SERTM2: variants seen among roughly 807,000 people sequenced by gnomAD.
SERTM2 encodes the protein serine rich and transmembrane domain containing 2.
chrX:111,515,841 A>G (rs1930299854), intron 2 of SERTM2, among the ~76,000 whole-genome samples: 1 of 110,546 alleles, frequency 9.0e-6, no homozygotes, highest in Admixed American at 9.6e-5. Context: ...TATTCATAAT[A>G]AACACCCTGT....
Position 111,520,417 on chromosome X carries a change from C to T in SERTM2, c.*1287C>T, listed in dbSNP as rs773489738. On this transcript the variant is annotated 3_prime_UTR_variant, in exon 3 of 3. Transcript: ENST00000569275. ...GTACACCTGTGTTAAATTTTACTTG[C>T]TAAAACAAAAAATAAGTTATCTTTT... 3 of 111,539 alleles carry T rather than the reference C, an allele frequency of 2.7e-5. 1 individual carries two copies. In the South Asian group the frequency reaches 1.1e-3, roughly 42 times the overall value. 9.2% of individuals were successfully genotyped at this position (111,539 alleles called of 1,213,427 possible). A position where few individuals can be genotyped will look rare whatever the true frequency, so the allele number is the denominator to read the frequency against.
intron 2 of SERTM2, among the ~76,000 whole-genome samples, chrX:111,513,657 T>C (rs527550886): frequency 1.8e-5 from 2 of 111,606 alleles, no homozygotes; most frequent in Admixed American, 1.9e-4. Flanking sequence ...TTTCCTAATA[T>C]CTAACGTTGC....
intron 2 of SERTM2, among the ~76,000 whole-genome samples, chrX:111,515,968 T>TA (rs1298348419): frequency 5.4e-5 from 6 of 110,416 alleles, no homozygotes; most frequent in Non-Finnish European, 7.6e-5. Context: ...AAAACTGCCA[T>TA]AAAAAATTGT....
At chrX:111,517,311 T>G (rs1930331356) in intron 2 of SERTM2, among the ~76,000 whole-genome samples, 1 of 111,727 alleles carries the variant, frequency 9.0e-6, no homozygotes, top group Non-Finnish European at 1.9e-5. Flanking sequence ...AACAATTCCT[T>G]AAACTTAGGA....
rs939238416 is a variant in SERTM2 at position 111,520,974 on chromosome X, A to C, written c.*1844A>C. ...AAACATGGACTTCCTCAAGACTGGC[A>C]ACACCCCCCCTCCAGAACTTCTTAA... is the stretch of plus-strand genomic sequence containing the variant. On this transcript the variant is annotated 3_prime_UTR_variant, in exon 3 of 3. Coordinates refer to ENST00000569275, the MANE Select transcript of SERTM2 (RefSeq NM_001354473.2). 2 of 111,549 alleles carry C rather than the reference A, an allele frequency of 1.8e-5. No individual in the cohort carries two copies. Among genetic ancestry groups the C allele is most frequent in the South Asian group, 7.5e-4 (2 of 2,655 alleles). The allele number at this position is 111,549 out of a possible 1,213,427, so 9.2% of individuals were successfully genotyped here.
Position 111,518,589 on chromosome X carries a change from T to C in SERTM2, c.-269T>C, listed in dbSNP as rs776295637. The C allele has an allele frequency of 7.3e-6, 2 of 272,684 alleles. No individual in the cohort carries two copies. The highest frequency in any genetic ancestry group is 5.6e-5 in the African/African-American group (2 of 35,966). The allele number at this position is 272,684 out of a possible 1,213,427, so 22.5% of individuals were successfully genotyped here. ...AGTAGGAGTGTGGAAAATAAAACAT[T>C]ACTTGTATTTTTAAAAATTGATTAA... On this transcript the variant is annotated 5_prime_UTR_variant, in exon 3 of 3. Coordinates refer to ENST00000569275, the MANE Select transcript of SERTM2 (RefSeq NM_001354473.2).
chrX:111,513,198 A>G (rs1233624033), intron 2 of SERTM2, among the ~76,000 whole-genome samples: 2 of 105,416 alleles, frequency 1.9e-5, no homozygotes, highest in African/African-American at 7.0e-5. Context: ...TCTCCATCCC[A>G]CATCCCTCAT....
rs893610205 is a variant in SERTM2, at chrX:111,519,882, G to C, written c.*752G>C. On this transcript the variant is annotated 3_prime_UTR_variant, in exon 3 of 3. Transcript: ENST00000569275. ...CACAAATATGAGCTTTGTTTAAAAG[G>C]TGCCTTTGCAAACAAGACTCAACTG... is the stretch of plus-strand genomic sequence containing the variant. 6.3e-5 allele frequency: 7 copies of C among 111,675 alleles called. No individual in the cohort carries two copies. Among genetic ancestry groups the C allele is most frequent in the Non-Finnish European group, 1.3e-4 (7 of 53,143 alleles). 9.2% of individuals were successfully genotyped at this position (111,675 alleles called of 1,213,427 possible). A position where few individuals can be genotyped will look rare whatever the true frequency, so the allele number is the denominator to read the frequency against.
intron 2 of SERTM2, among the ~76,000 whole-genome samples, chrX:111,517,196 A>C (rs955892834): frequency 6.3e-5 from 7 of 111,336 alleles, no homozygotes; most frequent in African/African-American, 2.3e-4. Flanking sequence ...ACAGATCTAA[A>C]TGAGAGAGAT....
chrX:111,512,668 T>C (rs1172435972), intron 2 of SERTM2, among the ~76,000 whole-genome samples: 5 of 111,900 alleles, frequency 4.5e-5, no homozygotes, highest in African/African-American at 1.3e-4. Flanking sequence ...GCCAAAGAAA[T>C]GTTAATCTGA....
intron 2 of SERTM2, among the ~76,000 whole-genome samples, chrX:111,514,913 A>C (rs894251917): frequency 2.7e-5 from 3 of 110,219 alleles, no homozygotes; most frequent in African/African-American, 9.9e-5. Context: ...GTGTGTGTAA[A>C]TAAAAGGAAG....
rs189334587 is a variant in SERTM2, at chrX:111,521,996, A to T, written c.*2866A>T. On this transcript the variant is annotated 3_prime_UTR_variant, in exon 3 of 3. Coordinates refer to ENST00000569275, the MANE Select transcript of SERTM2 (RefSeq NM_001354473.2). Reference sequence around the variant, plus strand: ...GAAGTATATTGTAAAAGGCTTATGTATTATGTATTATGTATTAAGTAGGAA... The same window carrying T: ...GAAGTATATTGTAAAAGGCTTATGTTTTATGTATTATGTATTAAGTAGGAA... The T allele has an allele frequency of 1.8e-5, 2 of 111,710 alleles. No homozygotes were observed. Among genetic ancestry groups the T allele is most frequent in the East Asian group, 5.6e-4 (2 of 3,569 alleles). 9.2% of individuals were successfully genotyped at this position (111,710 alleles called of 1,213,427 possible).
At chrX:111,517,783 G>A (rs1181319462) in intron 2 of SERTM2, among the ~76,000 whole-genome samples, 1 of 109,897 alleles carries the variant, frequency 9.1e-6, no homozygotes, top group Non-Finnish European at 1.9e-5. Flanking sequence ...GGAAGTCTAG[G>A]TTTGGGCCCA....
intron 2 of SERTM2, among the ~76,000 whole-genome samples, chrX:111,517,612 T>C (rs1433053917): frequency 1.8e-5 from 2 of 110,986 alleles, no homozygotes; most frequent in African/African-American, 6.6e-5. Context: ...TATTTACTGC[T>C]GAAGTCTTCC....
chrX:111,516,588 G>A (rs1337560104), intron 2 of SERTM2, among the ~76,000 whole-genome samples: 3 of 110,940 alleles, frequency 2.7e-5, no homozygotes, highest in Admixed American at 9.6e-5. Flanking sequence ...ATAGAAAAAT[G>A]TTTCCTAGAC....
intron 2 of SERTM2, among the ~76,000 whole-genome samples, chrX:111,513,751 G>A (rs924732307): frequency 1.8e-5 from 2 of 111,554 alleles, no homozygotes; most frequent in Admixed American, 9.6e-5. Context: ...TTGGTCTCCC[G>A]AAGACTGTAG....
Position 111,519,347 on chromosome X carries a change from A to T in SERTM2, c.*217A>T. 4.2e-6 allele frequency: 1 copy of T among 239,829 alleles called. No homozygotes were observed. Among genetic ancestry groups the T allele is most frequent in the Non-Finnish European group, 7.4e-6 (1 of 134,440 alleles). The allele number at this position is 239,829 out of a possible 1,213,427, so 19.8% of individuals were successfully genotyped here. On this transcript the variant is annotated 3_prime_UTR_variant, in exon 3 of 3. Transcript: ENST00000569275. Reference sequence around the variant, plus strand: ...AGACTCACTCTGAAAGGAATATAGGAAAAGACAGCTGGTTGGGAGGGCTGG... The same window carrying T: ...AGACTCACTCTGAAAGGAATATAGGTAAAGACAGCTGGTTGGGAGGGCTGG...
chrX:111,511,938 A>G (rs1930233844), intron 1 of SERTM2, 60 bp from the exon 2 acceptor site: 1 of 293,152 alleles, frequency 3.4e-6, no homozygotes, highest in African/African-American at 2.7e-5. Flanking sequence ...GAGAAACCAT[A>G]CTTTGCATGA....
chrX:111,521,313 A>G lies in SERTM2; in HGVS notation c.*2183A>G, dbSNP rs1930407083. On this transcript the variant is annotated 3_prime_UTR_variant, in exon 3 of 3. Transcript: ENST00000569275. Reference sequence around the variant, plus strand: ...TGGAAAACTATCAACCTCTTTCATCACAACTACCCCATGGGGATCCAGCTC... The same window carrying G: ...TGGAAAACTATCAACCTCTTTCATCGCAACTACCCCATGGGGATCCAGCTC... 1 of 111,207 alleles carries G rather than the reference A, an allele frequency of 9.0e-6. No homozygotes were observed. Among genetic ancestry groups the G allele is most frequent in the Admixed American group, 9.6e-5 (1 of 10,405 alleles). 9.2% of individuals were successfully genotyped at this position (111,207 alleles called of 1,213,427 possible). A position where few individuals can be genotyped will look rare whatever the true frequency, so the allele number is the denominator to read the frequency against.
Sources: gnomAD v4.1 joint callset for allele counts (sites outside exome capture counted in the v4.1 genomes callset) on GRCh38, gnomAD v4.1.1 for gene constraint, MANE v1.5 for transcripts, NCBI Gene and HGNC (gene_info 2026-07-23, HGNC 2026-07-21) for gene names.